FHIT: variants seen among roughly 807,000 people sequenced by gnomAD.
FHIT encodes the protein bis(5'-adenosyl)-triphosphatase.
A neutral mutation model predicts 17.9 loss-of-function variants in FHIT; 19 were observed. The ratio of observed to expected loss-of-function variants is 1.06; its 90% CI spans 0.74 to 1.56. FHIT has a LOEUF of 1.56. Ranked by LOEUF, FHIT falls within the 40% of genes most tolerant of loss-of-function variation. The pLI, the probability that FHIT is intolerant of heterozygous loss-of-function variation, is 0.00. For missense variants in FHIT, 248 were observed against 189.2 expected, an observed-to-expected ratio of 1.31 and a Z score of -1.82; for synonymous variants, 81 against 69.7, an observed-to-expected ratio of 1.16 and a Z score of -0.81.
chr3:60,033,084 C>T (rs751435999), intron 5 of FHIT, among the ~76,000 whole-genome samples: 15 of 152,208 alleles, frequency 9.9e-5, no homozygotes, highest in Admixed American at 7.2e-4. Flanking sequence ...CAAATAATAA[C>T]CTAATATAAG....
chr3:60,319,516 A>G (rs574870694), intron 5 of FHIT, among the ~76,000 whole-genome samples: 1 of 152,260 alleles, frequency 6.6e-6, no homozygotes, highest in East Asian at 1.9e-4. Context: ...ACTGACTGCC[A>G]GTAAAAGGGC....
chr3:61,226,655 G>A (rs2039976996), intron 1 of FHIT, among the ~76,000 whole-genome samples: 1 of 152,124 alleles, frequency 6.6e-6, no homozygotes, highest in South Asian at 2.1e-4. Context: ...GTAATTTGAT[G>A]CAGTGGTACT....
At chr3:61,219,468 T>C (rs2039778443) in intron 1 of FHIT, among the ~76,000 whole-genome samples, 1 of 152,016 alleles carries the variant, frequency 6.6e-6, no homozygotes, top group African/African-American at 2.4e-5. Flanking sequence ...CCACTCAAAT[T>C]AGCCCTCTCT....
chr3:60,058,851 C>T (rs1303779532), intron 5 of FHIT, among the ~76,000 whole-genome samples: 1 of 152,054 alleles, frequency 6.6e-6, no homozygotes, highest in African/African-American at 2.4e-5. Context: ...TAAAATACAA[C>T]AAAATATTAA....
At chr3:60,775,188 CT>C (rs373932112) in intron 4 of FHIT, among the ~76,000 whole-genome samples, 163 of 152,262 alleles carry the variant, frequency 1.1e-3, no homozygotes, top group African/African-American at 3.9e-3. Flanking sequence ...TTAAATGCCC[CT>C]GATAGAGGAA....
chr3:59,853,179 G>A (rs999899137), intron 8 of FHIT, among the ~76,000 whole-genome samples: 1 of 152,154 alleles, frequency 6.6e-6, no homozygotes, highest in Admixed American at 6.5e-5. Context: ...ATCCTCTCTA[G>A]CATTTGGCAT....
intron 5 of FHIT, among the ~76,000 whole-genome samples, chr3:60,368,717 C>T (rs1007290417): frequency 4.6e-5 from 7 of 151,872 alleles, no homozygotes; most frequent in South Asian, 4.1e-4. Flanking sequence ...ATAGCTAGTG[C>T]TTTTTGTGTG....
chr3:59,918,099 G>C (rs1439706321), intron 8 of FHIT, among the ~76,000 whole-genome samples: 1 of 152,210 alleles, frequency 6.6e-6, no homozygotes, highest in Admixed American at 6.5e-5. Context: ...CCATGTCGAA[G>C]TCTCACCCAG....
At chr3:59,980,231 T>C (rs1212887530) in intron 7 of FHIT, among the ~76,000 whole-genome samples, 2 of 152,198 alleles carry the variant, frequency 1.3e-5, no homozygotes, top group Non-Finnish European at 2.9e-5. Context: ...TTGGCATGAA[T>C]GTTAATTCCT....
chr3:61,043,792 G>A (rs1235252818), intron 2 of FHIT, among the ~76,000 whole-genome samples: 1 of 152,164 alleles, frequency 6.6e-6, no homozygotes, highest in Admixed American at 6.5e-5. Context: ...TCAGAGGAAG[G>A]ATCAGGCAGC....
At chr3:61,023,843 T>C (rs2032589822) in intron 3 of FHIT, among the ~76,000 whole-genome samples, 2 of 152,034 alleles carry the variant, frequency 1.3e-5, no homozygotes, top group African/African-American at 4.8e-5. Context: ...TATACAAAAA[T>C]TAACTCAAGA....
chr3:60,071,803 T>C (rs760958961), intron 5 of FHIT, among the ~76,000 whole-genome samples: 7 of 152,306 alleles, frequency 4.6e-5, no homozygotes, highest in South Asian at 4.1e-4. Flanking sequence ...TGAGAGGTAA[T>C]TGACCCATGG....
At chr3:61,091,786 A>C (rs891007959) in intron 2 of FHIT, among the ~76,000 whole-genome samples, 3 of 151,746 alleles carry the variant, frequency 2.0e-5, no homozygotes, top group African/African-American at 7.3e-5. Flanking sequence ...AGTCTCTACA[A>C]AAATTTAGCT....
chr3:59,759,973 C>G (rs572591004), intron 8 of FHIT, among the ~76,000 whole-genome samples: 31 of 152,176 alleles, frequency 2.0e-4, no homozygotes, highest in Middle Eastern at 3.2e-3. Flanking sequence ...GGACCTTGGA[C>G]TAAGCACTAG....
chr3:59,985,136 GA>G (rs1361537852), intron 7 of FHIT, among the ~76,000 whole-genome samples: 1 of 152,140 alleles, frequency 6.6e-6, no homozygotes, highest in African/African-American at 2.4e-5. Flanking sequence ...TCTAACTCTT[GA>G]CAGTTGAGTG....
intron 3 of FHIT, among the ~76,000 whole-genome samples, chr3:60,879,319 T>C (rs1704843393): frequency 2.0e-5 from 3 of 152,322 alleles, no homozygotes; most frequent in South Asian, 4.1e-4. Flanking sequence ...TGAATGCAGC[T>C]GAAGAAACTG....
intron 3 of FHIT, among the ~76,000 whole-genome samples, chr3:60,972,639 T>C (rs746132990): frequency 4.6e-5 from 7 of 152,142 alleles, no homozygotes; most frequent in Non-Finnish European, 8.8e-5. Flanking sequence ...ACTGCTATTC[T>C]TCAAATAATA....
chr3:60,021,758 A>G (rs1700560444), intron 5 of FHIT, among the ~76,000 whole-genome samples: 1 of 152,176 alleles, frequency 6.6e-6, no homozygotes, highest in Non-Finnish European at 1.5e-5. Context: ...GTGCTACAAC[A>G]CTGTTACAAT....
Position 61,143,738 on chromosome 3 carries a change from C to T in FHIT, c.-164+56879G>A, listed in dbSNP as rs559849590. Among the ~76,000 whole-genome samples, 173 of 152,110 alleles carry T rather than the reference C, an allele frequency of 1.1e-3. 1 individual carries two copies. Among genetic ancestry groups the T allele is most frequent in the African/African-American group, 4.1e-3 (169 of 41,484 alleles). On this transcript the variant is annotated intron_variant, in intron 2 of 9. Coordinates refer to ENST00000492590, the MANE Select transcript of FHIT (RefSeq NM_002012.4). ...AAAATTAGCCGGGCATGGTGGCAGGCGCCTGTAGTCCCAACTACTCGGGAG... is the reference window on the plus strand; with the variant it reads ...AAAATTAGCCGGGCATGGTGGCAGGTGCCTGTAGTCCCAACTACTCGGGAG...
Sources: allele counts gnomAD v4.1 joint callset (sites outside exome capture counted in the v4.1 genomes callset), GRCh38; gene constraint gnomAD v4.1.1; transcripts MANE v1.5; gene names NCBI Gene and HGNC (gene_info 2026-07-23, HGNC 2026-07-21).